The following SIPA1L1 variants were observed in gnomAD, a reference collection of about 807,000 sequenced individuals.
SIPA1L1 encodes signal induced proliferation associated 1 like 1.
SIPA1L1 carries 26 observed loss-of-function variants against 162.7 expected under a neutral mutation model. The observed-to-expected ratio is 0.16, with a 90% confidence interval of 0.12 to 0.22. The LOEUF (loss-of-function observed/expected upper bound fraction) is 0.22, where lower values mean the gene tolerates loss of function less well. Ranked by LOEUF, SIPA1L1 falls within the 10% of genes least tolerant of loss-of-function variation. The pLI, the probability that SIPA1L1 is intolerant of heterozygous loss-of-function variation, is 1.00. For synonymous variants in SIPA1L1, 829 were observed against 837.4 expected (o/e 0.99, Z 0.17); for missense variants, 1,874 against 2,241.0 (o/e 0.84, Z 3.31).
chr14:71,527,436 G>A (rs2052995935), intron 3 of SIPA1L1, among the ~76,000 whole-genome samples: 2 of 151,684 alleles, frequency 1.3e-5, no homozygotes, highest in South Asian at 4.2e-4. Flanking sequence ...CAAACTCCTG[G>A]GCTCAAGCAA....
chr14:71,349,092 T>C (rs1420667156), intron 2 of SIPA1L1, among the ~76,000 whole-genome samples: 1 of 152,234 alleles, frequency 6.6e-6, no homozygotes, highest in African/African-American at 2.4e-5. Context: ...AACAAAGTTA[T>C]ATATGACGTG....
chr14:71,509,459 C>T (rs2050938195), intron 2 of SIPA1L1, among the ~76,000 whole-genome samples: 1 of 151,988 alleles, frequency 6.6e-6, no homozygotes, highest in African/African-American at 2.4e-5. Context: ...ATCAAGGAAA[C>T]AAGCTGGGCA....
At chr14:71,469,995 T>C (rs987590726) in intron 2 of SIPA1L1, among the ~76,000 whole-genome samples, 1 of 152,072 alleles carries the variant, frequency 6.6e-6, no homozygotes, top group African/African-American at 2.4e-5. Flanking sequence ...TTAGTTCGGG[T>C]TGGGGCTGGT....
At chr14:71,531,997 TACA>T (rs2053488438) in intron 4 of SIPA1L1, among the ~76,000 whole-genome samples, 1 of 152,172 alleles carries the variant, frequency 6.6e-6, no homozygotes, top group Non-Finnish European at 1.5e-5. Context: ...GAGAAAAATT[TACA>T]ACAATATAAT....
At chr14:71,702,640 A>T in intron 15 of SIPA1L1, 135 bp downstream of exon 15, 1 of 797,454 alleles carries the variant, frequency 1.3e-6, no homozygotes, top group Non-Finnish European at 1.9e-6. Flanking sequence ...AGTCTCTGTT[A>T]GATTATGTAT....
At chr14:71,476,259 T>C (rs1469802557) in intron 2 of SIPA1L1, among the ~76,000 whole-genome samples, 1 of 152,238 alleles carries the variant, frequency 6.6e-6, no homozygotes, top group Non-Finnish European at 1.5e-5. Flanking sequence ...AAATTTTGGA[T>C]GACTCCGAGT....
At chr14:71,520,547 G>A (rs887210878) in intron 3 of SIPA1L1, among the ~76,000 whole-genome samples, 3 of 152,100 alleles carry the variant, frequency 2.0e-5, no homozygotes, top group African/African-American at 7.2e-5. Context: ...GCCCCTGATG[G>A]GACTCCTGCG....
intron 2 of SIPA1L1, among the ~76,000 whole-genome samples, chr14:71,501,099 T>C (rs1274122748): frequency 6.6e-6 from 1 of 152,194 alleles, no homozygotes; most frequent in East Asian, 1.9e-4. Flanking sequence ...GGCAAGAGGA[T>C]TGCTTCAGCT....
chr14:71,460,403 T>C (rs979400948), intron 2 of SIPA1L1, among the ~76,000 whole-genome samples: 2 of 152,234 alleles, frequency 1.3e-5, no homozygotes, highest in Admixed American at 6.5e-5. Context: ...ATAGTAATAC[T>C]GAGAGACGCC....
At chr14:71,421,935 T>A (rs751671101) in intron 2 of SIPA1L1, among the ~76,000 whole-genome samples, 6 of 152,208 alleles carry the variant, frequency 3.9e-5, no homozygotes, top group African/African-American at 7.2e-5. Context: ...CTCATAATTA[T>A]TGTTGCTGAA....
At chr14:71,610,286 C>A (rs2148300757) in intron 5 of SIPA1L1, among the ~76,000 whole-genome samples, 1 of 152,264 alleles carries the variant, frequency 6.6e-6, no homozygotes, top group East Asian at 1.9e-4. Flanking sequence ...CTGTTCCTAG[C>A]CACAGCCTTG....
intron 2 of SIPA1L1, among the ~76,000 whole-genome samples, chr14:71,486,737 A>G (rs2048791050): frequency 6.6e-6 from 1 of 152,158 alleles, no homozygotes; most frequent in Non-Finnish European, 1.5e-5. Flanking sequence ...TCGACAAATT[A>G]TTTCCCAGGT....
chr14:71,635,751 C>T (rs1420555929), intron 7 of SIPA1L1, among the ~76,000 whole-genome samples: 1 of 151,886 alleles, frequency 6.6e-6, no homozygotes, highest in Non-Finnish European at 1.5e-5. Context: ...TCATTAAAAG[C>T]AAAAGATCTA....
chr14:71,649,640 C>A (rs553103284), intron 7 of SIPA1L1, among the ~76,000 whole-genome samples: 24 of 152,254 alleles, frequency 1.6e-4, no homozygotes, highest in South Asian at 8.3e-4. Flanking sequence ...TTCATTTTAA[C>A]TGCATTTGAG....
intron 2 of SIPA1L1, among the ~76,000 whole-genome samples, chr14:71,365,258 C>T (rs1302067470): frequency 6.6e-6 from 1 of 151,986 alleles, no homozygotes; most frequent in Non-Finnish European, 1.5e-5. Context: ...AAGCAATCCT[C>T]CTGCCTCAGC....
intron 2 of SIPA1L1, among the ~76,000 whole-genome samples, chr14:71,365,892 A>ATTGTTT (rs573447138): frequency 2.4e-5 from 2 of 84,744 alleles, no homozygotes; most frequent in African/African-American, 9.6e-5. Flanking sequence ...TGCCTGGTTA[A>ATTGTTT]TTTTTTTTTT....
Position 71,403,342 on chromosome 14 carries a change from G to A in SIPA1L1, c.-465+82161G>A, listed in dbSNP as rs556918628. Among the ~76,000 whole-genome samples, 49 of 152,254 alleles carry A rather than the reference G, an allele frequency of 3.2e-4. No individual in the cohort carries two copies. In the East Asian group the frequency reaches 6.2e-3, roughly 19 times the overall value. On this transcript the variant is annotated intron_variant, in intron 2 of 23. Coordinates refer to ENST00000381232, the MANE Select transcript of SIPA1L1 (RefSeq NM_001386936.1). The stretch of plus-strand genomic sequence containing the variant: ...TGGCCTGGCGCGGTGGCTCACGCCT[G>A]TAATCCCAGCACTTTGGGAGGCCAA...
At chr14:71,722,424 G>A (rs761627331) in intron 17 of SIPA1L1, among the ~76,000 whole-genome samples, 30 of 152,262 alleles carry the variant, frequency 2.0e-4, no homozygotes, top group African/African-American at 6.7e-4. Context: ...AAGTGCCATC[G>A]AGGAACGCTT....
At chr14:71,623,970 C>A in intron 6 of SIPA1L1, 78 bp from the exon 7 acceptor site, 1 of 1,242,372 alleles carries the variant, frequency 8.0e-7, no homozygotes, top group Non-Finnish European at 1.1e-6. Flanking sequence ...CCCCACAGTT[C>A]AGGCCTGCAG....
Sources: gnomAD v4.1 joint callset for allele counts (sites outside exome capture counted in the v4.1 genomes callset) on GRCh38, gnomAD v4.1.1 for gene constraint, MANE v1.5 for transcripts, NCBI Gene and HGNC (gene_info 2026-07-23, HGNC 2026-07-21) for gene names.